The following PDE10A variants were observed in gnomAD, a reference collection of about 807,000 sequenced individuals.
The protein encoded by PDE10A is phosphodiesterase 10A.
A neutral mutation model predicts 97.7 loss-of-function variants in PDE10A; 39 were observed. That is an observed-to-expected ratio of 0.40 (90% CI 0.31 to 0.52). PDE10A has a LOEUF of 0.52. Among genes scored for constraint, PDE10A ranks in the 20% least tolerant of loss-of-function variants. The pLI is 0.56. For synonymous variants in PDE10A, 371 were observed against 376.8 expected, an observed-to-expected ratio of 0.98 and a Z score of 0.18; for missense variants, 731 against 1,047.8, an observed-to-expected ratio of 0.70 and a Z score of 4.17.
At chr6:165,465,987 C>T (rs1384138356) in intron 3 of PDE10A, among the ~76,000 whole-genome samples, 1 of 152,142 alleles carries the variant, frequency 6.6e-6, no homozygotes, top group Non-Finnish European at 1.5e-5. Flanking sequence ...ACAAGCAGGG[C>T]ATGAGGACAG....
At chr6:165,385,153 G>A (rs996880218) in intron 17 of PDE10A, among the ~76,000 whole-genome samples, 1 of 152,090 alleles carries the variant, frequency 6.6e-6, no homozygotes, top group Admixed American at 6.6e-5. Context: ...GTCTTTTGAT[G>A]AAACATAAAA....
At chr6:165,752,215 C>T (rs141321459) in intron 1 of PDE10A, among the ~76,000 whole-genome samples, 160 of 151,636 alleles carry the variant, frequency 1.1e-3, no homozygotes, top group African/African-American at 3.6e-3. Context: ...AATGTGGGTG[C>T]GCACTGTCTA....
intron 1 of PDE10A, among the ~76,000 whole-genome samples, chr6:165,717,032 G>T (rs1035403666): frequency 6.6e-6 from 1 of 152,044 alleles, no homozygotes; most frequent in Non-Finnish European, 1.5e-5. Context: ...CCACTATTCT[G>T]CCTTCTGTTT....
chr6:165,492,253 T>C (rs142856257), intron 2 of PDE10A, among the ~76,000 whole-genome samples: 160 of 152,248 alleles, frequency 1.1e-3, no homozygotes, highest in African/African-American at 3.6e-3. Flanking sequence ...ACCAAATGGA[T>C]TCATGGCTGA....
intron 6 of PDE10A, 36 bp from the exon 7 acceptor site, chr6:165,433,165 T>A: frequency 6.6e-7 from 1 of 1,525,520 alleles, no homozygotes; most frequent in Non-Finnish European, 9.0e-7. Context: ...ATAAATTCAG[T>A]GAAATGATCA....
In PDE10A at chr6:165,827,325, G is replaced by A. The variant is rs1313283582; in HGVS notation, c.-615+160204C>T. 2.0e-5 allele frequency among the ~76,000 whole-genome samples: 3 copies of A among 152,176 alleles called. No individual in the cohort carries two copies. In the East Asian group the frequency reaches 5.8e-4, roughly 30 times the overall value. On this transcript the variant is annotated intron_variant, in intron 1 of 19. Transcript: ENST00000366882. ...GGGTGACGCGGGGCGGGGGCACCCGGTGTCCAGCTCGAGACCTGTGCGGGG... is the reference window on the plus strand; with the variant it reads ...GGGTGACGCGGGGCGGGGGCACCCGATGTCCAGCTCGAGACCTGTGCGGGG...
chr6:165,486,842 T>C (rs992368582), intron 2 of PDE10A, among the ~76,000 whole-genome samples: 2 of 152,228 alleles, frequency 1.3e-5, no homozygotes, highest in Non-Finnish European at 2.9e-5. Flanking sequence ...GAATGACAGC[T>C]GTGTTCAAGT....
chr6:165,474,066 T>TC (rs1293899326), intron 3 of PDE10A, among the ~76,000 whole-genome samples: 1 of 152,332 alleles, frequency 6.6e-6, no homozygotes, highest in East Asian at 1.9e-4. Context: ...TCATTTGAAG[T>TC]CACAGGATAC....
chr6:165,588,476 A>C (rs993952309), intron 1 of PDE10A, among the ~76,000 whole-genome samples: 26 of 151,674 alleles, frequency 1.7e-4, no homozygotes, highest in Non-Finnish European at 3.1e-4. Flanking sequence ...TTTTTAGTGG[A>C]GATGGGGTTT....
At chr6:165,837,946 A>G (rs1780113508) in intron 1 of PDE10A, among the ~76,000 whole-genome samples, 1 of 152,052 alleles carries the variant, frequency 6.6e-6, no homozygotes, top group Non-Finnish European at 1.5e-5. Flanking sequence ...CGGCCTCCCA[A>G]AGTGCTGGGG....
intron 1 of PDE10A, among the ~76,000 whole-genome samples, chr6:165,625,218 A>C (rs1233917156): frequency 6.6e-6 from 1 of 152,208 alleles, no homozygotes; most frequent in Admixed American, 6.5e-5. Flanking sequence ...GCCCTGCGCA[A>C]GGCTCACTCC....
chr6:165,405,916 A>C (rs948831546), intron 13 of PDE10A, among the ~76,000 whole-genome samples: 1 of 152,182 alleles, frequency 6.6e-6, no homozygotes, highest in African/African-American at 2.4e-5. Context: ...GAATATTTCA[A>C]ATATATAAAC....
intron 1 of PDE10A, among the ~76,000 whole-genome samples, chr6:165,608,233 G>A (rs995889046): frequency 6.7e-6 from 1 of 149,710 alleles, no homozygotes; most frequent in Non-Finnish European, 1.5e-5. Context: ...TTTACATTAG[G>A]TATATCTCCT....
chr6:165,722,112 A>G (rs374846235), intron 1 of PDE10A, among the ~76,000 whole-genome samples: 74 of 152,352 alleles, frequency 4.9e-4, no homozygotes, highest in Middle Eastern at 3.4e-3. Flanking sequence ...TACTTACGTG[A>G]TGATGTCAGA....
chr6:165,709,365 G>T (rs1441948840), intron 1 of PDE10A, among the ~76,000 whole-genome samples: 1 of 108,772 alleles, frequency 9.2e-6, no homozygotes, highest in East Asian at 3.0e-4. Flanking sequence ...CAATGCTGCC[G>T]CGCTCTCCCC....
At chr6:165,756,215 A>T (rs528041662) in intron 1 of PDE10A, among the ~76,000 whole-genome samples, 11 of 152,354 alleles carry the variant, frequency 7.2e-5, no homozygotes, top group Non-Finnish European at 1.5e-4. Context: ...TAAGAAAAAG[A>T]TTGGCAAAGT....
intron 18 of PDE10A, among the ~76,000 whole-genome samples, chr6:165,375,976 T>G (rs1784582153): frequency 6.6e-6 from 1 of 152,200 alleles, no homozygotes; most frequent in Non-Finnish European, 1.5e-5. Flanking sequence ...ATGAACCAAG[T>G]CACTCAAGAG....
intron 1 of PDE10A, among the ~76,000 whole-genome samples, chr6:165,721,829 T>C (rs1792174078): frequency 6.6e-6 from 1 of 152,184 alleles, no homozygotes; most frequent in Admixed American, 6.5e-5. Context: ...TATAGTCTAA[T>C]AAAAAGTATA....
intron 2 of PDE10A, among the ~76,000 whole-genome samples, chr6:165,489,822 T>C (rs959151124): frequency 1.3e-5 from 2 of 152,008 alleles, no homozygotes; most frequent in South Asian, 2.1e-4. Flanking sequence ...GTCTCAGCAA[T>C]AGAATCAAAC....
Sources: gnomAD v4.1 joint callset for allele counts (sites outside exome capture counted in the v4.1 genomes callset) on GRCh38, gnomAD v4.1.1 for gene constraint, MANE v1.5 for transcripts, NCBI Gene and HGNC (gene_info 2026-07-23, HGNC 2026-07-21) for gene names.